The following ZNF26 variants were observed in gnomAD, a reference collection of about 807,000 sequenced individuals.
The protein encoded by ZNF26 is epididymis luminal protein 179.
Under a neutral mutation model 54.9 loss-of-function variants are expected in ZNF26, and 32 were observed. The observed-to-expected ratio is 0.58, with a 90% CI of 0.44 to 0.78. ZNF26 has a LOEUF of 0.78. Among genes scored for constraint, ZNF26 ranks in the 30% least tolerant of loss-of-function variants. The pLI is 0.00. For missense variants in ZNF26, 524 were observed against 634.0 expected (o/e 0.83, Z 1.86); for synonymous variants, 221 against 209.2 (o/e 1.06, Z -0.49).
Position 132,986,396 on chromosome 12 carries a change from C to T in ZNF26, c.-445C>T, listed in dbSNP as rs1952817662. 6.0e-6 allele frequency: 1 copy of T among 167,142 alleles called. No individual in the cohort carries two copies. Among genetic ancestry groups the T allele is most frequent in the Non-Finnish European group, 1.3e-5 (1 of 77,480 alleles). 10.4% of individuals were successfully genotyped at this position (167,142 alleles called of 1,614,324 possible). A position where few individuals can be genotyped will look rare whatever the true frequency, so the allele number is the denominator to read the frequency against. ...CCGGCCTTAGTCGGGTGCGCGCGTG[C>T]AGGGCTGTTTCCGGCTTAGACTCAG... On this transcript the variant is annotated 5_prime_UTR_variant, in exon 1 of 4. Coordinates refer to ENST00000328654, the MANE Select transcript of ZNF26 (RefSeq NM_019591.4).
At chr12:133,005,631 G>A (rs1387103730) in intron 1 of ZNF26, 3 of 152,314 alleles carry the variant, frequency 2.0e-5, no homozygotes, top group Non-Finnish European at 4.4e-5. Flanking sequence ...ATTTGGAGGT[G>A]GGACCTTTGG....
rs67278075 is a variant in ZNF26, at chr12:133,015,353, C to CAAAAAAAAAAA, written c.*3879_*3889dup. 1.0e-5 allele frequency: 1 copy of CAAAAAAAAAAA among 98,416 alleles called. No homozygotes were observed. The highest frequency in any genetic ancestry group is 2.0e-5 in the Non-Finnish European group (1 of 51,018). The allele number at this position is 98,416 out of a possible 1,614,324, so 6.1% of individuals were successfully genotyped here. A position where few individuals can be genotyped will look rare whatever the true frequency, so the allele number is the denominator to read the frequency against. ...TGGGTGACAGAGTGAGACTCTGTCTCAAAAAAAAAAAAAAAAAGAAAAGAA... is the reference window on the plus strand; with the variant it reads ...TGGGTGACAGAGTGAGACTCTGTCTCAAAAAAAAAAAAAAAAAAAAAAAAAAAAGAAAAGAA... On this transcript the variant is annotated 3_prime_UTR_variant, in exon 4 of 4. Transcript: ENST00000328654.
chr12:132,987,322 G>A (rs910263714), intron 1 of ZNF26, among the ~76,000 whole-genome samples: 68 of 152,318 alleles, frequency 4.5e-4, no homozygotes, highest in African/African-American at 1.6e-3. Flanking sequence ...AATTTTAGAG[G>A]AGCTTTGGTT....
intron 1 of ZNF26, chr12:132,995,428 T>G (rs1953057419): frequency 6.6e-6 from 1 of 151,910 alleles, no homozygotes; most frequent in African/African-American, 2.4e-5. Context: ...CTCCTTTTAT[T>G]CACTGTATAC....
Position 133,010,702 on chromosome 12 carries a change from T to G in ZNF26, c.823T>G (p.Leu275Val). Reference protein sequence around the residue: ...KAYSWKSQLLLHQRSHTGVKP... With the variant: ...KAYSWKSQLLVHQRSHTGVKP... ...CTACAGTTGGAAATCACAGCTTCTT[T>G]TACACCAGAGAAGTCACACAGGAGT... The change falls in exon 4 of 4, where the codon TTA (leucine) becomes GTA (valine). Residue 275 changes from leucine (L) to valine (V), a missense_variant. Transcript: ENST00000328654. 1.2e-6 allele frequency: 2 copies of G among 1,612,468 alleles called. No individual in the cohort carries two copies. Among genetic ancestry groups the G allele is most frequent in the Non-Finnish European group, 1.7e-6 (2 of 1,179,378 alleles).
At chr12:132,993,616 C>T (rs1246168654) in intron 1 of ZNF26, among the ~76,000 whole-genome samples, 6 of 151,588 alleles carry the variant, frequency 4.0e-5, no homozygotes, top group Non-Finnish European at 5.9e-5. Context: ...CCACCATGCC[C>T]GGCTGATTTT....
rs1308106365 is a variant in ZNF26, at chr12:133,012,292, G to A, written c.*811G>A. On this transcript the variant is annotated 3_prime_UTR_variant, in exon 4 of 4. Coordinates refer to ENST00000328654, the MANE Select transcript of ZNF26 (RefSeq NM_019591.4). ...CCTCTCTGGGGTGCTTCCTGTGGTA[G>A]TGTCTTTCAGGTATCCGTTCCACTA... 1 of 152,096 alleles carries A rather than the reference G, an allele frequency of 6.6e-6. No homozygotes were observed. Among genetic ancestry groups the A allele is most frequent in the Non-Finnish European group, 1.5e-5 (1 of 68,028 alleles). The allele number at this position is 152,096 out of a possible 1,614,324, so 9.4% of individuals were successfully genotyped here. A position where few individuals can be genotyped will look rare whatever the true frequency, so the allele number is the denominator to read the frequency against.
rs2137288582 is a variant in ZNF26 at position 133,024,534 on chromosome 12, G to A, written c.*13053G>A. On this transcript the variant is annotated 3_prime_UTR_variant, in exon 4 of 4. Coordinates refer to ENST00000328654, the MANE Select transcript of ZNF26 (RefSeq NM_019591.4). ...AGAACTAAAAAATGAACCATTCCAT[G>A]GAGGAAATGGTAAACAGTCTTTTCA... 6.6e-6 allele frequency: 1 copy of A among 152,288 alleles called. No individual in the cohort carries two copies. Among genetic ancestry groups the A allele is most frequent in the East Asian group, 1.9e-4 (1 of 5,176 alleles). 9.4% of individuals were successfully genotyped at this position (152,288 alleles called of 1,614,324 possible). A position where few individuals can be genotyped will look rare whatever the true frequency, so the allele number is the denominator to read the frequency against.
In ZNF26 at chr12:133,024,607, T is replaced by G. The variant is rs1262373713; in HGVS notation, c.*13126T>G. ...ACGAAAGCTCCTCAGGGAAAAGATG[T>G]AATCCAAGGCTGGCTATAATACCCT... On this transcript the variant is annotated 3_prime_UTR_variant, in exon 4 of 4. Coordinates refer to ENST00000328654, the MANE Select transcript of ZNF26 (RefSeq NM_019591.4). The G allele has an allele frequency of 6.6e-6, 1 of 152,214 alleles. No individual in the cohort carries two copies. Among genetic ancestry groups the G allele is most frequent in the Non-Finnish European group, 1.5e-5 (1 of 68,044 alleles). 9.4% of individuals were successfully genotyped at this position (152,214 alleles called of 1,614,324 possible).
Position 132,992,198 on chromosome 12 carries a change from C to G in ZNF26, c.33+5325C>G, listed in dbSNP as rs927064933. On this transcript the variant is annotated intron_variant, in intron 1 of 3. Transcript: ENST00000328654. ...TCTGACCTGTATTTTCCTTTTCTGC[C>G]TAGTTAAGGCAAGTTTACTTGAAAT... is the stretch of plus-strand genomic sequence containing the variant. 2.9e-4 allele frequency among the ~76,000 whole-genome samples: 44 copies of G among 151,958 alleles called. 1 individual carries two copies. The highest frequency in any genetic ancestry group is 9.2e-4 in the Admixed American group (14 of 15,266).
rs1953577719 is a variant in ZNF26, at chr12:133,017,228, T to C, written c.*5747T>C. On this transcript the variant is annotated 3_prime_UTR_variant, in exon 4 of 4. Coordinates refer to ENST00000328654, the MANE Select transcript of ZNF26 (RefSeq NM_019591.4). ...CTAATAATTTTTAGGGGAGTAGAGA[T>C]TCTGATTATCCCACATGGCAGGGCA... 6.6e-6 allele frequency: 1 copy of C among 152,164 alleles called. No individual in the cohort carries two copies. Among genetic ancestry groups the C allele is most frequent in the South Asian group, 2.1e-4 (1 of 4,830 alleles). The allele number at this position is 152,164 out of a possible 1,614,324, so 9.4% of individuals were successfully genotyped here.
At chr12:133,002,080 T>A (rs986811161) in intron 1 of ZNF26, among the ~76,000 whole-genome samples, 15 of 152,282 alleles carry the variant, frequency 9.9e-5, no homozygotes, top group Non-Finnish European at 1.8e-4. Context: ...TTCTGTGGAC[T>A]GTTTTCTGGT....
intron 1 of ZNF26, among the ~76,000 whole-genome samples, chr12:133,000,295 C>G (rs1417445765): frequency 2.6e-5 from 4 of 151,802 alleles, no homozygotes; most frequent in African/African-American, 9.7e-5. Flanking sequence ...CTCTGTTGCC[C>G]AGGCTGGAGT....
rs1379429483 is a variant in ZNF26, at chr12:133,010,853, G to C, written c.974G>C (p.Ser325Thr). ...AGTGAATGTGGGAAAGCCTTTAGGAGTAAGTCCTATCTCCTTGTTCACATC... is the reference window on the plus strand; with the variant it reads ...AGTGAATGTGGGAAAGCCTTTAGGACTAAGTCCTATCTCCTTGTTCACATC... The part of the protein sequence containing the change: ...KCSECGKAFR[S>T]KSYLLVHIRM... Residue 325 changes from serine (S) to threonine (T), a missense_variant, in exon 4 of 4, where the codon AGT becomes ACT. By Grantham distance (58) the Ser-to-Thr change is moderately conservative. Coordinates refer to ENST00000328654, the MANE Select transcript of ZNF26 (RefSeq NM_019591.4). 6 of 1,613,832 alleles carry C rather than the reference G, an allele frequency of 3.7e-6. No individual in the cohort carries two copies. In the East Asian group the frequency reaches 1.3e-4, roughly 36 times the overall value.
chr12:132,987,697 A>G (rs896584441), intron 1 of ZNF26: 2 of 985,334 alleles, frequency 2.0e-6, no homozygotes, highest in Admixed American at 6.1e-5. Flanking sequence ...TAAACTGGAA[A>G]TACATAAAGA....
In ZNF26 at chr12:133,024,840, G is replaced by T. The variant is rs1240224179; in HGVS notation, c.*13359G>T. 1.2e-4 allele frequency: 19 copies of T among 152,238 alleles called. No individual in the cohort carries two copies. The highest frequency in any genetic ancestry group is 1.2e-3 in the Admixed American group (18 of 15,278). 9.4% of individuals were successfully genotyped at this position (152,238 alleles called of 1,614,324 possible). ...AGTCTTATTAAGAGATTTTTGGGGT[G>T]TGGCTTTTGTCTAATGGAATGGGTT... On this transcript the variant is annotated 3_prime_UTR_variant, in exon 4 of 4. Transcript: ENST00000328654.
Position 133,001,669 on chromosome 12 carries a change from A to G in ZNF26, c.34-5373A>G. ...GAGGAGGAGCCTGCTAATGAGCTCA[A>G]GTGTCAAGTTCGGGAATCTTCTGGG... On this transcript the variant is annotated intron_variant, in intron 1 of 3. Coordinates refer to ENST00000328654, the MANE Select transcript of ZNF26 (RefSeq NM_019591.4). The surrounding 1 kb of genome is among the most constrained non-coding windows in gnomAD (Gnocchi z 4.7). 1.6e-6 allele frequency: 2 copies of G among 1,289,066 alleles called. No individual in the cohort carries two copies. The highest frequency in any genetic ancestry group is 2.0e-6 in the Non-Finnish European group (2 of 988,668). 79.9% of individuals were successfully genotyped at this position (1,289,066 alleles called of 1,614,324 possible).
intron 2 of ZNF26, 46 bp from the exon 3 acceptor site, chr12:133,007,391 G>A: frequency 6.5e-7 from 1 of 1,530,394 alleles, no homozygotes; most frequent in Non-Finnish European, 9.0e-7. Context: ...CCTCGGTCCT[G>A]TCCCTAACAG....
At chr12:132,990,625 G>A (rs1259259032) in intron 1 of ZNF26, among the ~76,000 whole-genome samples, 9 of 152,110 alleles carry the variant, frequency 5.9e-5, no homozygotes, top group African/African-American at 2.2e-4. Flanking sequence ...AGATTGGTGT[G>A]ATTTTTTTCC....
Sources: allele counts gnomAD v4.1 joint callset (sites outside exome capture counted in the v4.1 genomes callset), GRCh38; gene constraint gnomAD v4.1.1; non-coding constraint Gnocchi (gnomAD v3.1); transcripts MANE v1.5; gene names NCBI Gene and HGNC (gene_info 2026-07-23, HGNC 2026-07-21).